Variants in OPRM1 observed in about 807,000 individuals in gnomAD.
OPRM1 encodes the protein mu-type opioid receptor.
A neutral mutation model predicts 31.8 loss-of-function variants in OPRM1; 27 were observed. That is an observed-to-expected ratio of 0.85 (90% CI 0.63 to 1.17). The LOEUF is 1.17. Ranked by LOEUF, OPRM1 falls within the 50% of genes most tolerant of loss-of-function variation. OPRM1 has a pLI of 0.00. For synonymous variants in OPRM1, 196 were observed against 189.9 expected (o/e 1.03, Z -0.26); for missense variants, 536 against 511.1 (o/e 1.05, Z -0.47).
chr6:154,139,257 T>C (rs1333781503), intron 3 of OPRM1, among the ~76,000 whole-genome samples: 1 of 152,174 alleles, frequency 6.6e-6, no homozygotes, highest in Non-Finnish European at 1.5e-5. Context: ...CCTCCTGGAA[T>C]GGATGATTCC....
In OPRM1 at chr6:154,128,130, C is replaced by T. The variant is rs1797696009; in HGVS notation, c.*9409C>T. ...CAAATAGTAATCTGGCAAGTGTTCT[C>T]AGGATCCCCTTGCTACCTGTAATTC... On this transcript the variant is annotated 3_prime_UTR_variant, in exon 4 of 4. Coordinates refer to ENST00000330432, the MANE Select transcript of OPRM1 (RefSeq NM_000914.5). Among the ~76,000 whole-genome samples the T allele has an allele frequency of 1.3e-5, 2 of 152,170 alleles. No homozygotes were observed. Among genetic ancestry groups the T allele is most frequent in the South Asian group, 4.1e-4 (2 of 4,826 alleles).
At chr6:154,065,938 A>G (rs1785306956) in intron 1 of OPRM1, among the ~76,000 whole-genome samples, 1 of 152,044 alleles carries the variant, frequency 6.6e-6, no homozygotes, top group South Asian at 2.1e-4. Flanking sequence ...GTTATGGTTG[A>G]TTCTTTCTAT....
At chr6:154,220,629 A>G (rs1016101543) in intron 3 of OPRM1, among the ~76,000 whole-genome samples, 2 of 152,140 alleles carry the variant, frequency 1.3e-5, no homozygotes, top group Admixed American at 6.5e-5. Context: ...GCAACAGAAC[A>G]AGACTGTCTC....
chr6:154,184,314 C>T (rs1476661400), intron 3 of OPRM1, among the ~76,000 whole-genome samples: 1 of 152,020 alleles, frequency 6.6e-6, no homozygotes, highest in East Asian at 1.9e-4. Context: ...AAATCACCTA[C>T]ATTTCCATCT....
chr6:154,216,732 G>A (rs554008523), intron 3 of OPRM1, among the ~76,000 whole-genome samples: 1 of 152,298 alleles, frequency 6.6e-6, no homozygotes, highest in African/African-American at 2.4e-5. Context: ...GCCAGGCGTG[G>A]TGGCACACGC....
At chr6:154,238,429 A>G (rs1376954694) in intron 3 of OPRM1, among the ~76,000 whole-genome samples, 7 of 151,180 alleles carry the variant, frequency 4.6e-5, no homozygotes, top group East Asian at 1.9e-4. Flanking sequence ...CTAATTTTGT[A>G]TATATATATA....
chr6:154,105,387 A>G (rs1795430256), intron 3 of OPRM1, among the ~76,000 whole-genome samples: 2 of 152,370 alleles, frequency 1.3e-5, no homozygotes, highest in South Asian at 4.1e-4. Flanking sequence ...TACTGAATTT[A>G]GTTAACTCCT....
At chr6:154,022,511 T>G (rs1339529458) in intron 1 of OPRM1, among the ~76,000 whole-genome samples, 1 of 131,414 alleles carries the variant, frequency 7.6e-6, no homozygotes, top group African/African-American at 3.7e-5. Context: ...GGTTGTCTCT[T>G]CAGTTTGTTG....
rs1797405507 is a variant in OPRM1 at position 154,123,340 on chromosome 6, C to T, written c.*4619C>T. 6.6e-6 allele frequency among the ~76,000 whole-genome samples: 1 copy of T among 152,310 alleles called. No individual in the cohort carries two copies. The highest frequency in any genetic ancestry group is 2.4e-5 in the African/African-American group (1 of 41,574). Reference sequence around the variant, plus strand: ...CTTTTTCCTGGGAGCCCACTAATCACACAGTGAACAAAAGGCTTCTATGCT... The same window carrying T: ...CTTTTTCCTGGGAGCCCACTAATCATACAGTGAACAAAAGGCTTCTATGCT... On this transcript the variant is annotated 3_prime_UTR_variant, in exon 4 of 4. Coordinates refer to ENST00000330432, the MANE Select transcript of OPRM1 (RefSeq NM_000914.5).
upstream of OPRM1, among the ~76,000 whole-genome samples, chr6:154,034,978 G>A (rs982749651): frequency 1.4e-4 from 21 of 152,268 alleles, no homozygotes; most frequent in African/African-American, 4.8e-4. Context: ...TAAATATAGT[G>A]TATTATTTAT....
Position 154,033,563 on chromosome 6 carries a change from G to A in OPRM1, c.1-5598G>A, listed in dbSNP as rs191392974. On this transcript the variant is annotated intron_variant, in intron 1 of 5. Coordinates refer to the OPRM1 transcript ENST00000434900. The stretch of plus-strand genomic sequence containing the variant: ...GATGAGAGAAAGAATCAAGTGAAAG[G>A]AAGCACAGAGAGTTGTACAGAGATA... Among the ~76,000 whole-genome samples, 186 of 152,278 alleles carry A rather than the reference G, an allele frequency of 1.2e-3. 1 individual carries two copies. The highest frequency in any genetic ancestry group is 4.3e-3 in the African/African-American group (177 of 41,550).
At chr6:154,054,703 C>T (rs41378646) in intron 1 of OPRM1, among the ~76,000 whole-genome samples, 2,041 of 152,314 alleles carry the variant, frequency 0.013, 54 homozygotes, top group African/African-American at 0.047. Flanking sequence ...CCAATCATCT[C>T]TCTTCAGAGT....
intron 1 of OPRM1, among the ~76,000 whole-genome samples, chr6:154,062,972 A>T (rs568350288): frequency 9.2e-5 from 14 of 152,138 alleles, no homozygotes; most frequent in Admixed American, 7.2e-4. Context: ...AGCTTCCTAA[A>T]CAGTATCCTG....
In OPRM1 at chr6:154,063,985, T is replaced by C. The variant is rs533230943; in HGVS notation, c.290+24151T>C. On this transcript the variant is annotated intron_variant, in intron 1 of 3. Coordinates refer to ENST00000330432, the MANE Select transcript of OPRM1 (RefSeq NM_000914.5). ...TATAAATATCTTGTGGAGACCGTGT[T>C]TTCAATTTCTTTGGGTATTTGGATC... 1.0e-3 allele frequency among the ~76,000 whole-genome samples: 153 copies of C among 152,204 alleles called. 1 individual carries two copies. The highest frequency in any genetic ancestry group is 3.5e-3 in the African/African-American group (144 of 41,582).
intron 3 of OPRM1, among the ~76,000 whole-genome samples, chr6:154,198,977 G>A (rs1248555201): frequency 1.3e-5 from 2 of 152,140 alleles, no homozygotes; most frequent in Non-Finnish European, 2.9e-5. Flanking sequence ...GATACGTCAC[G>A]ATTGAACAGT....
chr6:154,207,831 A>C (rs778192888), intron 3 of OPRM1, among the ~76,000 whole-genome samples: 21 of 152,342 alleles, frequency 1.4e-4, no homozygotes, highest in Middle Eastern at 6.8e-3. Context: ...GTGTTGAAAT[A>C]ATCTGCATAA....
At chr6:154,139,075 T>G (rs1268187920) in intron 3 of OPRM1, among the ~76,000 whole-genome samples, 1 of 152,240 alleles carries the variant, frequency 6.6e-6, no homozygotes, top group Non-Finnish European at 1.5e-5. Flanking sequence ...CTTTAAAAAC[T>G]TTGATCCCTA....
intron 1 of OPRM1, 81 bp downstream of exon 1, chr6:154,039,915 A>G (rs750018476): frequency 7.7e-7 from 1 of 1,299,728 alleles, no homozygotes; most frequent in Non-Finnish European, 1.0e-6. Flanking sequence ...CCAAGGCTCA[A>G]TGTTGGGCGG....
chr6:154,090,125 C>T lies in OPRM1; in HGVS notation c.590C>T (p.Ser197Phe). 3.7e-6 allele frequency: 6 copies of T among 1,614,056 alleles called. No homozygotes were observed. Among genetic ancestry groups the T allele is most frequent in the Non-Finnish European group, 5.1e-6 (6 of 1,179,988 alleles). ...ATCAATGTCTGCAACTGGATCCTCTCTTCAGCCATTGGTCTTCCTGTAATG... is the reference window on the plus strand; with the variant it reads ...ATCAATGTCTGCAACTGGATCCTCTTTTCAGCCATTGGTCTTCCTGTAATG... The part of the protein sequence containing the change: ...KIINVCNWIL[S>F]SAIGLPVMFM... Residue 197 changes from serine to phenylalanine, a missense_variant, in exon 2 of 4, where the codon TCT becomes TTT. Coordinates refer to ENST00000330432, the MANE Select transcript of OPRM1 (RefSeq NM_000914.5).
Sources: gnomAD v4.1 joint callset for allele counts (sites outside exome capture counted in the v4.1 genomes callset) on GRCh38, gnomAD v4.1.1 for gene constraint, MANE v1.5 for transcripts, NCBI Gene and HGNC (gene_info 2026-07-23, HGNC 2026-07-21) for gene names.